The following GNB1 variants were observed in gnomAD, a reference collection of about 807,000 sequenced individuals.
GNB1 encodes the protein guanine nucleotide-binding protein G(I)/G(S)/G(T) subunit beta-1.
GNB1 carries 2 observed loss-of-function variants against 42.9 expected under a neutral mutation model. The observed-to-expected ratio is 0.05, with a 90% CI of 0.02 to 0.15. The LOEUF (loss-of-function observed/expected upper bound fraction) is 0.15. Among genes scored for constraint, GNB1 ranks in the 10% least tolerant of loss-of-function variants. The pLI is 1.00. For synonymous variants in GNB1, 183 were observed against 174.7 expected (o/e 1.05, Z -0.38); for missense variants, 193 against 462.2 (o/e 0.42, Z 5.34).
In GNB1 at chr1:1,796,207, G is replaced by A. The variant is rs141226570; in HGVS notation, c.431-2896C>T. On this transcript the variant is annotated intron_variant, in intron 7 of 11. Transcript: ENST00000378609. Reference sequence around the variant, plus strand: ...TGTCTGTGCATGTTCAGGTTGGGGGGTGAGGTGTGTCCAGTGCGGCTGGAG... The same window carrying A: ...TGTCTGTGCATGTTCAGGTTGGGGGATGAGGTGTGTCCAGTGCGGCTGGAG... Among the ~76,000 whole-genome samples the A allele has an allele frequency of 3.7e-3, 560 of 152,324 alleles. 6 individuals carry two copies. The highest frequency in any genetic ancestry group is 0.012 in the African/African-American group (516 of 41,564).
intron 1 of GNB1, among the ~76,000 whole-genome samples, chr1:1,855,181 T>C (rs1229292894): frequency 3.1e-5 from 4 of 130,662 alleles, no homozygotes; most frequent in Non-Finnish European, 4.8e-5. Context: ...AACAGCTGAG[T>C]GTGGTGGTGG....
chr1:1,865,245 G>T (rs576824059), intron 1 of GNB1, among the ~76,000 whole-genome samples: 1 of 144,182 alleles, frequency 6.9e-6, no homozygotes, highest in South Asian at 2.2e-4. Context: ...CTGGGTGACA[G>T]AGTGAGACTC....
At chr1:1,817,717 G>T in intron 4 of GNB1, 120 bp downstream of exon 4, 1 of 632,726 alleles carries the variant, frequency 1.6e-6, no homozygotes, top group Non-Finnish European at 2.9e-6. Context: ...AAAAGCAGTG[G>T]CTTGGCATCC....
chr1:1,839,915 G>C (rs187444950), intron 1 of GNB1, among the ~76,000 whole-genome samples: 1 of 152,072 alleles, frequency 6.6e-6, no homozygotes, highest in Non-Finnish European at 1.5e-5. Context: ...AACACTTTGG[G>C]AGGCTGAGGT....
At chr1:1,883,967 C>CTTT (rs1186881007) in intron 1 of GNB1, among the ~76,000 whole-genome samples, 1 of 136,302 alleles carries the variant, frequency 7.3e-6, no homozygotes, top group African/African-American at 2.7e-5. Context: ...AGTGTCCGGA[C>CTTT]TTTTTTTTTT....
At chr1:1,792,175 G>A (rs974256135) in intron 8 of GNB1, among the ~76,000 whole-genome samples, 5 of 152,092 alleles carry the variant, frequency 3.3e-5, no homozygotes, top group Non-Finnish European at 5.9e-5. Flanking sequence ...ATTTAAGTGG[G>A]CTTCCGTTTA....
In GNB1 at chr1:1,822,648, T is replaced by A. The variant is rs555585517; in HGVS notation, c.57+2749A>T. 3.3e-5 allele frequency among the ~76,000 whole-genome samples: 5 copies of A among 152,190 alleles called. No individual in the cohort carries two copies. The East Asian group carries it at 7.8e-4, about 24-fold the overall frequency. On this transcript the variant is annotated intron_variant, in intron 3 of 11. Coordinates refer to ENST00000378609, the MANE Select transcript of GNB1 (RefSeq NM_002074.5). Reference sequence around the variant, plus strand: ...CATTTTTTATGTGGCAACAAGAGCATGTGGGGAATGTCACGTGACATTTGT... The same window carrying A: ...CATTTTTTATGTGGCAACAAGAGCAAGTGGGGAATGTCACGTGACATTTGT...
chr1:1,884,590 T>G (rs1050104074), intron 1 of GNB1, among the ~76,000 whole-genome samples: 5 of 152,162 alleles, frequency 3.3e-5, no homozygotes, highest in African/African-American at 1.2e-4. Context: ...ATATATTTTC[T>G]AAGTGCTACA....
At chr1:1,861,701 A>T (rs931207730) in intron 1 of GNB1, among the ~76,000 whole-genome samples, 1 of 152,050 alleles carries the variant, frequency 6.6e-6, no homozygotes, top group Admixed American at 6.6e-5. Context: ...TCTGTGGCTA[A>T]AACAGAGCTG....
At chr1:1,793,375 T>TA (rs1646506316) in intron 7 of GNB1, 64 bp from the exon 8 acceptor site, 1 of 1,101,246 alleles carries the variant, frequency 9.1e-7, no homozygotes, top group Non-Finnish European at 1.4e-6. Flanking sequence ...GCCTCATACA[T>TA]AGAGAAACAC....
intron 2 of GNB1, among the ~76,000 whole-genome samples, chr1:1,826,457 G>A (rs189306189): frequency 8.5e-5 from 13 of 152,182 alleles, no homozygotes; most frequent in African/African-American, 2.4e-4. Flanking sequence ...GATAGCTATC[G>A]CATGAAGACC....
chr1:1,822,143 C>G (rs374156164), intron 3 of GNB1, among the ~76,000 whole-genome samples: 2 of 152,172 alleles, frequency 1.3e-5, no homozygotes, highest in Admixed American at 6.5e-5. Flanking sequence ...AGGGTTAATT[C>G]CACCCGTTTC....
intron 1 of GNB1, among the ~76,000 whole-genome samples, chr1:1,844,784 C>T (rs999379823): frequency 6.6e-6 from 1 of 152,184 alleles, no homozygotes; most frequent in East Asian, 1.9e-4. Context: ...ATGTTTACTA[C>T]AAACTTTGGG....
chr1:1,870,557 A>G (rs1321688178), intron 1 of GNB1, among the ~76,000 whole-genome samples: 5 of 152,236 alleles, frequency 3.3e-5, no homozygotes, highest in Admixed American at 6.5e-5. Context: ...TTTCCAAAAC[A>G]TAATATTCTG....
At position 1,804,593 on chromosome 1, in the gene GNB1, A is replaced by G. The variant is rs764897408; in HGVS notation, c.268-12T>C. Reference sequence around the variant, plus strand: ...GGGATGGCGTGGACCTAATGACAGAAAGACAGATGATGCAAACAACTTTAT... The same window carrying G: ...GGGATGGCGTGGACCTAATGACAGAGAGACAGATGATGCAAACAACTTTAT... On this transcript the variant is annotated splice_polypyrimidine_tract_variant and intron_variant, in intron 6 of 11. Coordinates refer to ENST00000378609, the MANE Select transcript of GNB1 (RefSeq NM_002074.5). The G allele has an allele frequency of 6.4e-7, 1 of 1,551,018 alleles. No individual in the cohort carries two copies. The highest frequency in any genetic ancestry group is 1.4e-5 in the African/African-American group (1 of 72,266).
intron 1 of GNB1, among the ~76,000 whole-genome samples, chr1:1,858,295 G>A (rs180850521): frequency 6.6e-6 from 1 of 152,116 alleles, no homozygotes; most frequent in Admixed American, 6.6e-5. Flanking sequence ...TTCATCTGTC[G>A]CATCTGTCAA....
At chr1:1,832,094 A>T (rs1557911791) in intron 2 of GNB1, 2 of 151,996 alleles carry the variant, frequency 1.3e-5, no homozygotes, top group Non-Finnish European at 2.9e-5. Flanking sequence ...AGAAAAAAGA[A>T]AAATATACTC....
At chr1:1,789,384 CTG>C (rs1416450029) in intron 9 of GNB1, 115 bp from the exon 10 acceptor site, 1 of 675,198 alleles carries the variant, frequency 1.5e-6, no homozygotes. Context: ...ACCAGCAAGA[CTG>C]TGCTCTGGTA....
At chr1:1,809,240 C>G (rs1646744154) in intron 5 of GNB1, among the ~76,000 whole-genome samples, 1 of 138,938 alleles carries the variant, frequency 7.2e-6, no homozygotes, top group South Asian at 2.2e-4. Context: ...GTCACCCAGG[C>G]TGGAGCTCGC....
Sources: gnomAD v4.1 joint callset for allele counts (sites outside exome capture counted in the v4.1 genomes callset) on GRCh38, gnomAD v4.1.1 for gene constraint, MANE v1.5 for transcripts, NCBI Gene and HGNC (gene_info 2026-07-23, HGNC 2026-07-21) for gene names.